The following AGAP1 variants were observed in gnomAD, a reference collection of about 807,000 sequenced individuals.
The protein encoded by AGAP1 is arf-GAP with GTPase, ANK repeat and PH domain-containing protein 1.
In AGAP1, 29 loss-of-function variants were observed where a neutral mutation model predicts 105.3. The ratio of observed to expected loss-of-function variants is 0.28; its 90% CI spans 0.21 to 0.38. AGAP1 has a LOEUF of 0.38. Ranked by LOEUF, AGAP1 falls within the 10% of genes least tolerant of loss-of-function variation. The pLI, the probability that AGAP1 is intolerant of heterozygous loss-of-function variation, is 1.00. For synonymous variants in AGAP1, 509 were observed against 485.9 expected (o/e 1.05, Z -0.63); for missense variants, 998 against 1,165.1 (o/e 0.86, Z 2.09).
At chr2:236,063,802 A>G (rs2125768090) in intron 16 of AGAP1, among the ~76,000 whole-genome samples, 2 of 152,346 alleles carry the variant, frequency 1.3e-5, no homozygotes, top group East Asian at 3.9e-4. Context: ...CAGCAGTGAC[A>G]ATACCATTAA....
rs2055103350 is a variant in AGAP1 at position 235,981,674 on chromosome 2, C to CGT, written c.1645+13052_1645+13053dup. Among the ~76,000 whole-genome samples, 1 of 152,176 alleles carries CGT rather than the reference C, an allele frequency of 6.6e-6. No homozygotes were observed. Among genetic ancestry groups the CGT allele is most frequent in the Admixed American group, 6.5e-5 (1 of 15,278 alleles). On this transcript the variant is annotated intron_variant, in intron 13 of 17. Transcript: ENST00000304032. This position sits in a 1 kb window ranked among gnomAD's most constrained non-coding sequence, Gnocchi z 5.5. The stretch of plus-strand genomic sequence containing the variant: ...CTGGGCTTAAGTGCTTTACACGCAG[C>CGT]GTCTCATAACCCTCACAAGAACCTG...
intron 1 of AGAP1, among the ~76,000 whole-genome samples, chr2:235,588,338 G>A (rs543685300): frequency 6.6e-6 from 1 of 152,050 alleles, no homozygotes; most frequent in South Asian, 2.1e-4. Context: ...TAAAATACCA[G>A]AACAAAGGGA....
chr2:235,743,131 C>T (rs959733916), intron 4 of AGAP1, among the ~76,000 whole-genome samples: 1 of 152,248 alleles, frequency 6.6e-6, no homozygotes, highest in African/African-American at 2.4e-5. Flanking sequence ...CTCACCACTG[C>T]ACTCCAGCCT....
At position 236,062,519 on chromosome 2, in the gene AGAP1, A is replaced by T. The variant is rs1407132009; in HGVS notation, c.2114+13238A>T. Among the ~76,000 whole-genome samples, 1 of 152,056 alleles carries T rather than the reference A, an allele frequency of 6.6e-6. No individual in the cohort carries two copies. Among genetic ancestry groups the T allele is most frequent in the East Asian group, 1.9e-4 (1 of 5,182 alleles). On this transcript the variant is annotated intron_variant, in intron 16 of 17. Coordinates refer to ENST00000304032, the MANE Select transcript of AGAP1 (RefSeq NM_001037131.3). The surrounding 1 kb of genome is among the most constrained non-coding windows in gnomAD (Gnocchi z 4.2). ...GAAACAGAATCTCACTCTATCACACAGGCTTGAATGCAGTGGCATGATCAT... is the reference window on the plus strand; with the variant it reads ...GAAACAGAATCTCACTCTATCACACTGGCTTGAATGCAGTGGCATGATCAT...
In AGAP1 at chr2:236,085,240, A is replaced by T. The variant is rs886077344; in HGVS notation, c.2115-34952A>T. 3.8e-3 allele frequency among the ~76,000 whole-genome samples: 566 copies of T among 149,356 alleles called. 4 individuals are homozygous for T. Among genetic ancestry groups the T allele is most frequent in the African/African-American group, 0.013 (517 of 40,426 alleles). ...CAAAAAAAAAAAAAAAAAAAAAAAA[A>T]TTTTTATTTACCCAATTCTGTGACT... On this transcript the variant is annotated intron_variant, in intron 16 of 17. Coordinates refer to ENST00000304032, the MANE Select transcript of AGAP1 (RefSeq NM_001037131.3).
intron 1 of AGAP1, among the ~76,000 whole-genome samples, chr2:235,560,154 T>C (rs4663609): frequency 0.65 from 98,273 of 152,028 alleles, 33,111 homozygotes; most frequent in Middle Eastern, 0.84. Flanking sequence ...GAGTTACTTT[T>C]TGTATATGGT....
At chr2:236,029,677 T>C (rs917202588) in intron 13 of AGAP1, among the ~76,000 whole-genome samples, 6 of 152,104 alleles carry the variant, frequency 3.9e-5, no homozygotes, top group African/African-American at 1.4e-4. Context: ...TTTTGTTCTT[T>C]CCTTCTTTTT....
At chr2:235,952,612 A>T (rs534432312) in intron 12 of AGAP1, among the ~76,000 whole-genome samples, 1 of 152,188 alleles carries the variant, frequency 6.6e-6, no homozygotes, top group Admixed American at 6.5e-5. Flanking sequence ...TTTTTTTTTA[A>T]AAAAAACTGG....
chr2:235,704,600 C>T (rs1333125567), intron 1 of AGAP1, among the ~76,000 whole-genome samples: 3 of 151,648 alleles, frequency 2.0e-5, no homozygotes, highest in Admixed American at 6.6e-5. Flanking sequence ...GAGCCAAGAT[C>T]GCGCCACTAC....
rs144618818 is a variant in AGAP1, at chr2:235,735,099, C to T, written c.311-5864C>T. On this transcript the variant is annotated intron_variant, in intron 3 of 17. Coordinates refer to ENST00000304032, the MANE Select transcript of AGAP1 (RefSeq NM_001037131.3). The stretch of plus-strand genomic sequence containing the variant: ...ATTTGGGTGTTGCCAATGATGTTTG[C>T]GTCATAAGATGGGGTGCGGGCTAAC... Among the ~76,000 whole-genome samples, 355 of 151,782 alleles carry T rather than the reference C, an allele frequency of 2.3e-3. 5 individuals are homozygous for T. Among genetic ancestry groups the T allele is most frequent in the East Asian group, 0.02 (105 of 5,158 alleles).
At chr2:235,687,437 A>AT (rs1340465206) in intron 1 of AGAP1, among the ~76,000 whole-genome samples, 2 of 152,174 alleles carry the variant, frequency 1.3e-5, no homozygotes, top group African/African-American at 2.4e-5. Flanking sequence ...TTGAGTCCAG[A>AT]TTTCATTTGT....
intron 1 of AGAP1, among the ~76,000 whole-genome samples, chr2:235,630,169 A>G (rs1001426979): frequency 3.3e-5 from 5 of 152,190 alleles, no homozygotes; most frequent in Admixed American, 6.5e-5. Context: ...CCAGGGAGCT[A>G]TCACACGATT....
chr2:235,837,628 G>A (rs1960322212), intron 9 of AGAP1, among the ~76,000 whole-genome samples: 2 of 152,172 alleles, frequency 1.3e-5, no homozygotes, highest in South Asian at 2.1e-4. Flanking sequence ...AGATGATGGA[G>A]TCTACCAGTA....
intron 7 of AGAP1, among the ~76,000 whole-genome samples, 180 bp downstream of exon 7, chr2:235,798,066 C>A (rs1210197118): frequency 2.0e-5 from 3 of 151,988 alleles, no homozygotes; most frequent in Non-Finnish European, 4.4e-5. Flanking sequence ...TTATGGGAAT[C>A]ATTCTTTTAT....
chr2:235,978,187 A>C (rs2054938116), intron 13 of AGAP1, among the ~76,000 whole-genome samples: 1 of 152,210 alleles, frequency 6.6e-6, no homozygotes, highest in African/African-American at 2.4e-5. Context: ...GAGGAATTAG[A>C]GCTACAACAT....
intron 1 of AGAP1, among the ~76,000 whole-genome samples, chr2:235,530,428 C>T (rs1361538366): frequency 6.6e-6 from 1 of 152,194 alleles, no homozygotes; most frequent in African/African-American, 2.4e-5. Flanking sequence ...GCAGTGGCTT[C>T]AAACAACACA....
rs548181601 is a variant in AGAP1, at chr2:235,976,185, C to T, written c.1645+7562C>T. On this transcript the variant is annotated intron_variant, in intron 13 of 17. Transcript: ENST00000304032. This position sits in a 1 kb window ranked among gnomAD's most constrained non-coding sequence, Gnocchi z 4.5. Reference sequence around the variant, plus strand: ...TGATGGGAGCCACCATGCATCCCGACGGACTTGCCTCCTCCCCACAAACTA... The same window carrying T: ...TGATGGGAGCCACCATGCATCCCGATGGACTTGCCTCCTCCCCACAAACTA... 6.6e-5 allele frequency among the ~76,000 whole-genome samples: 10 copies of T among 152,296 alleles called. No homozygotes were observed. Among genetic ancestry groups the T allele is most frequent in the Non-Finnish European group, 7.4e-5 (5 of 68,026 alleles).
chr2:235,658,265 A>C (rs1000131365), intron 1 of AGAP1, among the ~76,000 whole-genome samples: 3 of 152,088 alleles, frequency 2.0e-5, no homozygotes, highest in African/African-American at 7.2e-5. Context: ...AATGTCTTCT[A>C]TTACCAGCTT....
At chr2:235,949,008 T>C (rs1359104869) in intron 12 of AGAP1, among the ~76,000 whole-genome samples, 2 of 152,182 alleles carry the variant, frequency 1.3e-5, no homozygotes, top group African/African-American at 4.8e-5. Context: ...ATTAAGCGAA[T>C]TATAATTTTT....
Sources: allele counts gnomAD v4.1 joint callset (sites outside exome capture counted in the v4.1 genomes callset), GRCh38; gene constraint gnomAD v4.1.1; non-coding constraint Gnocchi (gnomAD v3.1); transcripts MANE v1.5; gene names NCBI Gene and HGNC (gene_info 2026-07-23, HGNC 2026-07-21).